The following HIGD2B variants were observed in gnomAD, a reference collection of about 807,000 sequenced individuals.
HIGD2B encodes the protein HIG1 hypoxia inducible domain family member 2B.
For synonymous variants in HIGD2B, 45 were observed against 28.1 expected, an observed-to-expected ratio of 1.60 and a Z score of -1.90; for missense variants, 106 against 67.0, an observed-to-expected ratio of 1.58 and a Z score of -2.03.
At chr15:72,682,119 T>C (rs1343143476) in intron 1 of HIGD2B, 1 of 152,224 alleles carries the variant, frequency 6.6e-6, no homozygotes, top group Non-Finnish European at 1.5e-5. Flanking sequence ...AAATCTTTGT[T>C]TTCTTGATTG....
intron 1 of HIGD2B, among the ~76,000 whole-genome samples, chr15:72,681,948 G>A (rs539754229): frequency 3.3e-5 from 5 of 152,146 alleles, no homozygotes; most frequent in South Asian, 4.1e-4. Flanking sequence ...ACAGAGTTTC[G>A]TGCTGTTGCC....
In HIGD2B at chr15:72,676,323, G is replaced by C. The variant is rs761181003; in HGVS notation, c.52C>G (p.Pro18Ala). The C allele has an allele frequency of 3.9e-6, 3 of 761,472 alleles. No individual in the cohort carries two copies. The highest frequency in any genetic ancestry group is 7.2e-6 in the Non-Finnish European group (3 of 415,192). 47.2% of individuals were successfully genotyped at this position (761,472 alleles called of 1,614,324 possible). A position where few individuals can be genotyped will look rare whatever the true frequency, so the allele number is the denominator to read the frequency against. ...TPEAPFESSK[P>A]PIFEGLSPTV... ...GGGCTAAGCCCCTCAAAGATGGGGGGCTTCGATGATTCAAAGGGGGCCTCC... is the reference window on the plus strand; with the variant it reads ...GGGCTAAGCCCCTCAAAGATGGGGGCCTTCGATGATTCAAAGGGGGCCTCC... The change falls in exon 3 of 3, where the codon CCC (proline) becomes GCC (alanine). Residue 18 changes from proline to alanine, a missense_variant. Pro to Ala is a conservative substitution (Grantham distance 27). Transcript: ENST00000311755.
At chr15:72,682,731 T>C (rs568786586) in intron 1 of HIGD2B, 99 of 181,564 alleles carry the variant, frequency 5.5e-4, no homozygotes, top group African/African-American at 2.3e-3. Context: ...GAAAACTTCA[T>C]CCAGATGTCT....
intron 2 of HIGD2B, among the ~76,000 whole-genome samples, chr15:72,678,490 T>C (rs1436857459): frequency 6.6e-6 from 1 of 151,918 alleles, no homozygotes; most frequent in Admixed American, 6.6e-5. Flanking sequence ...TTTGTAGAGA[T>C]GGGGTCTGGA....
Position 72,686,078 on chromosome 15 carries a change from C to T in HIGD2B, c.-453G>A. On this transcript the variant is annotated 5_prime_UTR_variant, in exon 1 of 3. Coordinates refer to ENST00000311755, the MANE Select transcript of HIGD2B (RefSeq NM_001350932.3). ...AGAGGTAAGCCTTCTGTGGAGCAGA[C>T]CCTAATCCTCCCCCTGATTCCTTAG... 1 of 826,016 alleles carries T rather than the reference C, an allele frequency of 1.2e-6. No homozygotes were observed. Among genetic ancestry groups the T allele is most frequent in the Non-Finnish European group, 2.0e-6 (1 of 504,252 alleles). The allele number at this position is 826,016 out of a possible 1,614,324, so 51.2% of individuals were successfully genotyped here. A position where few individuals can be genotyped will look rare whatever the true frequency, so the allele number is the denominator to read the frequency against.
chr15:72,682,333 T>C, intron 1 of HIGD2B: 3 of 226,166 alleles, frequency 1.3e-5, no homozygotes, highest in Non-Finnish European at 2.7e-5. Context: ...CCAGAAAAGA[T>C]GCTCTTCTCT....
chr15:72,678,126 T>C (rs533518671), intron 2 of HIGD2B, among the ~76,000 whole-genome samples: 1 of 152,316 alleles, frequency 6.6e-6, no homozygotes, highest in South Asian at 2.1e-4. Context: ...ATCCTGGATT[T>C]CTAAAACACT....
rs1316522330 is a variant in HIGD2B at position 72,686,061 on chromosome 15, G to A, written c.-436C>T. 8.1e-6 allele frequency: 6 copies of A among 744,034 alleles called. No individual in the cohort carries two copies. Among genetic ancestry groups the A allele is most frequent in the Non-Finnish European group, 1.4e-5 (6 of 438,290 alleles). The allele number at this position is 744,034 out of a possible 1,614,324, so 46.1% of individuals were successfully genotyped here. ...CCCTCCCCGACTCTTTCAGAGGTAA[G>A]CCTTCTGTGGAGCAGACCCTAATCC... On this transcript the variant is annotated 5_prime_UTR_variant, in exon 1 of 3. Coordinates refer to ENST00000311755, the MANE Select transcript of HIGD2B (RefSeq NM_001350932.3).
At chr15:72,683,406 A>G (rs1327095823) in intron 1 of HIGD2B, among the ~76,000 whole-genome samples, 1 of 151,538 alleles carries the variant, frequency 6.6e-6, no homozygotes, top group African/African-American at 2.4e-5. Context: ...AGATAAAAAG[A>G]ATAGGGCAGA....
chr15:72,680,482 T>C lies in HIGD2B; in HGVS notation c.-192-289A>G, dbSNP rs117725922. On this transcript the variant is annotated intron_variant, in intron 1 of 2. Coordinates refer to ENST00000311755, the MANE Select transcript of HIGD2B (RefSeq NM_001350932.3). The stretch of plus-strand genomic sequence containing the variant: ...AATATCTGTGTATTATAATCATTTA[T>C]TGTTTCATGTACTAATTCATCTATG... Among the ~76,000 whole-genome samples, 463 of 152,342 alleles carry C rather than the reference T, an allele frequency of 3.0e-3. 2 individuals are homozygous for C. Among genetic ancestry groups the C allele is most frequent in the Middle Eastern group, 0.01 (3 of 294 alleles).
chr15:72,683,800 C>T (rs1309090087), intron 1 of HIGD2B, among the ~76,000 whole-genome samples: 1 of 152,050 alleles, frequency 6.6e-6, no homozygotes, highest in Non-Finnish European at 1.5e-5. Flanking sequence ...GTGATTGTCC[C>T]ACTGCACTTC....
In HIGD2B at chr15:72,676,166, C is replaced by T. The variant is rs1222224783; in HGVS notation, c.209G>A (p.Gly70Asp). 1 of 762,834 alleles carries T rather than the reference C, an allele frequency of 1.3e-6. No individual in the cohort carries two copies. The allele number at this position is 762,834 out of a possible 1,614,324, so 47.3% of individuals were successfully genotyped here. Residue 70 changes from glycine (G) to aspartate (D), a missense_variant, in exon 3 of 3, where the codon GGC (glycine) becomes GAC (aspartate). Gly to Asp is a moderately conservative substitution (Grantham distance 94). Transcript: ENST00000311755. ...CATAAGCCGTGAACATTGGCTGTTG[C>T]CCTGGTGGAAGCAGTAGAGGCCGTT... ...LTNGLYCFHQGNSQCSRLMMH... is the reference protein window; with the variant it reads ...LTNGLYCFHQDNSQCSRLMMH...
Position 72,676,243 on chromosome 15 carries a change from G to A in HIGD2B, c.132C>T (p.Arg44=), listed in dbSNP as rs757176129. The change falls in exon 3 of 3, where the codon CGC becomes CGT. Residue 44 remains arginine, a synonymous_variant. Coordinates refer to ENST00000311755, the MANE Select transcript of HIGD2B (RefSeq NM_001350932.3). ...GFKEKFLRKT[R]ENPVVPIGFL... ...AACCTATGGGTACCACCGGATTCTCGCGGGTCTTGCGAAGGAACTTTTCCT... is the reference window on the plus strand; with the variant it reads ...AACCTATGGGTACCACCGGATTCTCACGGGTCTTGCGAAGGAACTTTTCCT... 26 of 766,846 alleles carry A rather than the reference G, an allele frequency of 3.4e-5. No homozygotes were observed. The highest frequency in any genetic ancestry group is 5.1e-5 in the African/African-American group (3 of 59,102). 47.5% of individuals were successfully genotyped at this position (766,846 alleles called of 1,614,324 possible). A position where few individuals can be genotyped will look rare whatever the true frequency, so the allele number is the denominator to read the frequency against.
chr15:72,679,964 C>T (rs907748141), intron 2 of HIGD2B, 51 bp downstream of exon 2: 26 of 246,336 alleles, frequency 1.1e-4, no homozygotes, highest in Middle Eastern at 2.2e-3. Flanking sequence ...TGCCAGAGCC[C>T]GCCAGAAGCA....
At chr15:72,684,649 G>A (rs1194059732) in intron 1 of HIGD2B, among the ~76,000 whole-genome samples, 1 of 152,044 alleles carries the variant, frequency 6.6e-6, no homozygotes, top group Admixed American at 6.6e-5. Flanking sequence ...CACCACGCCC[G>A]GATAATTTTT....
intron 1 of HIGD2B, among the ~76,000 whole-genome samples, chr15:72,684,921 T>G (rs905438496): frequency 1.3e-5 from 2 of 152,176 alleles, no homozygotes; most frequent in African/African-American, 4.8e-5. Context: ...GTAGCTGCGA[T>G]TACAGGCGGG....
intron 2 of HIGD2B, 55 bp from the exon 3 acceptor site, chr15:72,676,442 T>C: frequency 1.6e-6 from 1 of 629,672 alleles, no homozygotes; most frequent in South Asian, 1.9e-5. Flanking sequence ...TCTTGCTCTG[T>C]AGCCCAGGCT....
intron 1 of HIGD2B, among the ~76,000 whole-genome samples, chr15:72,683,667 C>G (rs934119972): frequency 6.6e-6 from 1 of 151,838 alleles, no homozygotes; most frequent in African/African-American, 2.4e-5. Flanking sequence ...ATGATGAAAC[C>G]CCATCTTTAC....
At chr15:72,684,170 A>T (rs8026559) in intron 1 of HIGD2B, among the ~76,000 whole-genome samples, 100,640 of 152,030 alleles carry the variant, frequency 0.66, 35,226 homozygotes, top group Middle Eastern at 0.85. Context: ...TTTACTGAAC[A>T]TGAAAGTACA....
Sources: allele counts gnomAD v4.1 joint callset (sites outside exome capture counted in the v4.1 genomes callset), GRCh38; gene constraint gnomAD v4.1.1; transcripts MANE v1.5; gene names NCBI Gene and HGNC (gene_info 2026-07-23, HGNC 2026-07-21).